LRGUK: variants seen among roughly 807,000 people sequenced by gnomAD.
The protein encoded by LRGUK is leucine rich repeats and guanylate kinase domain containing.
In LRGUK, 65 loss-of-function variants were observed where a neutral mutation model predicts 76.0. The observed-to-expected ratio is 0.85, with a 90% CI of 0.70 to 1.05. The LOEUF is 1.05. LRGUK is among the 50% of genes least tolerant of loss of function. The pLI is 0.00. For missense variants in LRGUK, 758 were observed against 732.8 expected, an observed-to-expected ratio of 1.03 and a Z score of -0.40; for synonymous variants, 268 against 265.6, an observed-to-expected ratio of 1.01 and a Z score of -0.09.
chr7:134,234,774 T>C (rs1253655142), intron 16 of LRGUK, among the ~76,000 whole-genome samples: 1 of 152,018 alleles, frequency 6.6e-6, no homozygotes, highest in Admixed American at 6.6e-5. Flanking sequence ...CTTCTCTCCT[T>C]TTTCCTTTTC....
intron 13 of LRGUK, among the ~76,000 whole-genome samples, chr7:134,197,557 G>C (rs1800556493): frequency 6.6e-6 from 1 of 152,126 alleles, no homozygotes; most frequent in African/African-American, 2.4e-5. Context: ...ATCCCCTCAG[G>C]ACAATGGCAG....
the LRGUK span, among the ~76,000 whole-genome samples, chr7:134,275,627 G>GT: frequency 1.1e-4 from 17 of 152,116 alleles, no homozygotes; most frequent in Admixed American, 1.1e-3. Context: ...TAATGTTGAA[G>GT]TTTTTTCCTG....
At chr7:134,223,930 G>A (rs1334001795) in intron 16 of LRGUK, among the ~76,000 whole-genome samples, 3 of 152,044 alleles carry the variant, frequency 2.0e-5, no homozygotes, top group African/African-American at 7.2e-5. Context: ...CTAACTAGTA[G>A]GTTTTTTTCT....
chr7:134,206,721 T>C (rs2117111055), intron 15 of LRGUK, among the ~76,000 whole-genome samples: 1 of 152,192 alleles, frequency 6.6e-6, no homozygotes, highest in African/African-American at 2.4e-5. Flanking sequence ...TATTCACAAC[T>C]CAGTATTAAG....
At chr7:134,222,404 G>C (rs1400108869) in intron 16 of LRGUK, among the ~76,000 whole-genome samples, 1 of 152,204 alleles carries the variant, frequency 6.6e-6, no homozygotes, top group Non-Finnish European at 1.5e-5. Context: ...ATGCACAGGA[G>C]TGTGGAATGC....
intron 17 of LRGUK, among the ~76,000 whole-genome samples, chr7:134,248,583 C>A (rs1268382892): frequency 6.6e-6 from 1 of 152,150 alleles, no homozygotes; most frequent in Non-Finnish European, 1.5e-5. Context: ...CATTTCAAAG[C>A]ATTAGATTAT....
At chr7:134,249,027 C>A in exon 18 of LRGUK, 1 of 1,597,512 alleles carries the variant, frequency 6.3e-7, no homozygotes, top group South Asian at 1.1e-5. Flanking sequence ...AAGTTTTGAT[C>A]TTTGTGAAGA....
chr7:134,140,491 T>C (rs1459284918), intron 3 of LRGUK, among the ~76,000 whole-genome samples: 3 of 152,214 alleles, frequency 2.0e-5, no homozygotes, highest in Admixed American at 2.0e-4. Context: ...CAAAGCTTGA[T>C]CCTTGTTTAT....
chr7:134,207,784 C>T (rs1262495114), intron 15 of LRGUK, among the ~76,000 whole-genome samples: 1 of 152,186 alleles, frequency 6.6e-6, no homozygotes, highest in Non-Finnish European at 1.5e-5. Context: ...CAAGGCTGTT[C>T]CAGTCTGGTG....
chr7:134,199,220 G>A (rs1337836193), exon 14 of LRGUK: 4 of 1,612,730 alleles, frequency 2.5e-6, no homozygotes, highest in African/African-American at 2.7e-5. Context: ...TAATGCACAG[G>A]GTGTAAGAAG....
At position 134,204,153 on chromosome 7, in the gene LRGUK, C is replaced by CT. The variant is rs796544956; in HGVS notation, c.1843+2578dup. On this transcript the variant is annotated intron_variant, in intron 15 of 15. Transcript: ENST00000645682. ...TTTCTCAATCTGAGGTTGCCACTGA[C>CT]TGGGGGGGCTTGAACAAGACTTTGC... Among the ~76,000 whole-genome samples, 23 of 152,316 alleles carry CT rather than the reference C, an allele frequency of 1.5e-4. 1 individual carries two copies. The highest frequency in any genetic ancestry group is 5.5e-4 in the African/African-American group (23 of 41,570).
chr7:134,146,049 G>T (rs1386981848), intron 4 of LRGUK, among the ~76,000 whole-genome samples: 1 of 152,140 alleles, frequency 6.6e-6, no homozygotes, highest in Non-Finnish European at 1.5e-5. Context: ...GACACGGGTG[G>T]ATCACTTGAG....
intron 4 of LRGUK, among the ~76,000 whole-genome samples, chr7:134,145,494 G>A (rs1327117011): frequency 2.6e-5 from 4 of 152,160 alleles, no homozygotes; most frequent in South Asian, 4.1e-4. Flanking sequence ...TGATCTGCCC[G>A]CCTTGGCCTC....
At chr7:134,197,052 G>C in exon 13 of LRGUK, 1 of 1,612,344 alleles carries the variant, frequency 6.2e-7, no homozygotes, top group Non-Finnish European at 8.5e-7. Context: ...TAGGGACACC[G>C]TAGAAGGTAT....
intron 16 of LRGUK, among the ~76,000 whole-genome samples, chr7:134,222,314 T>C (rs748646902): frequency 1.1e-4 from 16 of 152,350 alleles, no homozygotes; most frequent in Middle Eastern, 3.4e-3. Context: ...AAAGAGTCCG[T>C]GTTTTATAAC....
At chr7:134,256,650 TC>T (rs1400735135) in intron 18 of LRGUK, among the ~76,000 whole-genome samples, 1 of 152,116 alleles carries the variant, frequency 6.6e-6, no homozygotes, top group Admixed American at 6.6e-5. Context: ...GAGAGCATTC[TC>T]CTTCCTCCCC....
At chr7:134,202,082 G>A (rs41496145) in intron 15 of LRGUK, among the ~76,000 whole-genome samples, 12,580 of 152,010 alleles carry the variant, frequency 0.083, 965 homozygotes, top group East Asian at 0.39. Flanking sequence ...TTCGCTGTTC[G>A]GAGCTTCAGT....
rs954468343 is a variant in LRGUK at position 134,242,777 on chromosome 7, T to C, written c.1984-4779T>C. Among the ~76,000 whole-genome samples, 5 of 152,324 alleles carry C rather than the reference T, an allele frequency of 3.3e-5. No individual in the cohort carries two copies. In the South Asian group the frequency reaches 1.0e-3, roughly 32 times the overall value. ...AAAAGAGAATTTAGACCAATATCCA[T>C]GATGATCATCGATGCAAAAATCCTC... is the stretch of plus-strand genomic sequence containing the variant. On this transcript the variant is annotated intron_variant, in intron 16 of 19. Transcript: ENST00000285928.
At chr7:134,135,708 T>G (rs555608788) in intron 1 of LRGUK, among the ~76,000 whole-genome samples, 1 of 152,022 alleles carries the variant, frequency 6.6e-6, no homozygotes, top group Non-Finnish European at 1.5e-5. Flanking sequence ...CAGGCTGGAG[T>G]GTGGTGGCAC....
Sources: allele counts gnomAD v4.1 joint callset (sites outside exome capture counted in the v4.1 genomes callset), GRCh38; gene constraint gnomAD v4.1.1; transcripts MANE v1.5; gene names NCBI Gene and HGNC (gene_info 2026-07-23, HGNC 2026-07-21).